The following EYS variants were observed in gnomAD, a reference collection of about 807,000 sequenced individuals.
EYS encodes protein eyes shut homolog.
In EYS, 250 loss-of-function variants were observed where a neutral mutation model predicts 282.1. The ratio of observed to expected loss-of-function variants is 0.89; its 90% CI spans 0.80 to 0.98. EYS has a LOEUF of 0.98. Ranked by LOEUF, EYS falls within the 50% of genes least tolerant of loss-of-function variation. The pLI, the probability that EYS is intolerant of heterozygous loss-of-function variation, is 0.00. For synonymous variants in EYS, 1,355 were observed against 1,282.9 expected, an observed-to-expected ratio of 1.06 and a Z score of -1.20; for missense variants, 4,016 against 3,709.0, an observed-to-expected ratio of 1.08 and a Z score of -2.15.
At chr6:63,876,147 G>T (rs1230547176) in intron 35 of EYS, among the ~76,000 whole-genome samples, 3 of 152,094 alleles carry the variant, frequency 2.0e-5, no homozygotes, top group African/African-American at 4.8e-5. Context: ...CTTTAAATGT[G>T]TCCCAGAGAT....
At chr6:63,900,951 A>G (rs1319208690) in intron 35 of EYS, among the ~76,000 whole-genome samples, 2 of 152,208 alleles carry the variant, frequency 1.3e-5, no homozygotes, top group Non-Finnish European at 2.9e-5. Context: ...ACAATATATC[A>G]TATAAAAAGG....
At chr6:65,312,181 C>G (rs530987624) in intron 11 of EYS, among the ~76,000 whole-genome samples, 1 of 151,046 alleles carries the variant, frequency 6.6e-6, no homozygotes, top group Non-Finnish European at 1.5e-5. Flanking sequence ...CTATGCCTTC[C>G]TTTATCTAAG....
intron 22 of EYS, among the ~76,000 whole-genome samples, chr6:64,658,930 T>C (rs1768875192): frequency 6.6e-6 from 1 of 152,220 alleles, no homozygotes; most frequent in African/African-American, 2.4e-5. Flanking sequence ...ATCAACAGAA[T>C]ATACATTCTT....
At chr6:63,854,268 G>A (rs992921089) in intron 36 of EYS, among the ~76,000 whole-genome samples, 1 of 152,164 alleles carries the variant, frequency 6.6e-6, no homozygotes, top group Non-Finnish European at 1.5e-5. Context: ...GGAATACTAT[G>A]TAGCCATAAA....
intron 26 of EYS, among the ~76,000 whole-genome samples, chr6:64,550,034 G>A (rs1201913291): frequency 5.3e-5 from 8 of 152,056 alleles, no homozygotes; most frequent in South Asian, 2.1e-4. Context: ...ATGGTTTCCC[G>A]CTTCATCCAT....
At chr6:64,494,350 A>G (rs977387290) in intron 26 of EYS, among the ~76,000 whole-genome samples, 1 of 151,686 alleles carries the variant, frequency 6.6e-6, no homozygotes, top group Non-Finnish European at 1.5e-5. Flanking sequence ...CCTTAGATAT[A>G]TTCTCAGACT....
At chr6:65,667,381 G>A (rs1201172178) in intron 1 of EYS, among the ~76,000 whole-genome samples, 1 of 151,638 alleles carries the variant, frequency 6.6e-6, no homozygotes, top group African/African-American at 2.4e-5. Flanking sequence ...CACTTATTTG[G>A]CTTCACCCAT....
chr6:63,866,706 A>T (rs1772679545), intron 35 of EYS, among the ~76,000 whole-genome samples: 2 of 152,182 alleles, frequency 1.3e-5, no homozygotes, highest in Admixed American at 1.3e-4. Context: ...TAGAGAGAGA[A>T]CTAGAAATTT....
At chr6:63,798,619 G>A (rs1770701502) in intron 37 of EYS, among the ~76,000 whole-genome samples, 1 of 152,030 alleles carries the variant, frequency 6.6e-6, no homozygotes, top group East Asian at 1.9e-4. Flanking sequence ...TCCCTACCAG[G>A]GCTCTCTGAA....
At chr6:64,842,825 C>A (rs1416554893) in intron 19 of EYS, among the ~76,000 whole-genome samples, 16 of 151,972 alleles carry the variant, frequency 1.1e-4, no homozygotes, top group Admixed American at 1.0e-3. Flanking sequence ...TAAAAGCACT[C>A]TGTTTTAAAA....
intron 12 of EYS, among the ~76,000 whole-genome samples, chr6:65,145,685 C>T (rs1331701460): frequency 2.6e-5 from 4 of 152,022 alleles, no homozygotes; most frequent in African/African-American, 9.7e-5. Context: ...CTTTGCACCA[C>T]TGGTATTTAT....
At chr6:64,144,658 A>G (rs775988617) in intron 31 of EYS, among the ~76,000 whole-genome samples, 12 of 152,158 alleles carry the variant, frequency 7.9e-5, no homozygotes, top group Non-Finnish European at 1.6e-4. Context: ...CTGCTTACTG[A>G]AACTCCATCC....
chr6:64,635,367 G>A (rs1361106983), intron 22 of EYS, among the ~76,000 whole-genome samples: 15 of 152,194 alleles, frequency 9.9e-5, no homozygotes, highest in Middle Eastern at 3.2e-3. Context: ...ATGTTGAATA[G>A]GAGTGGTGAG....
rs564677290 is a variant in EYS, at chr6:65,491,569, T to G, written c.749-862A>C. On this transcript the variant is annotated intron_variant, in intron 4 of 42. Transcript: ENST00000503581. ...GCCTCACTAATGCAGAACTTTTTTC[T>G]TCATTTGCCTCCAAGCAACCCTAAA... 2.7e-4 allele frequency: 117 copies of G among 435,988 alleles called. 1 individual carries two copies. The highest frequency in any genetic ancestry group is 1.3e-3 in the Middle Eastern group (2 of 1,532). 27.0% of individuals were successfully genotyped at this position (435,988 alleles called of 1,614,324 possible).
At chr6:64,190,131 A>G (rs561780570) in intron 31 of EYS, among the ~76,000 whole-genome samples, 5 of 152,296 alleles carry the variant, frequency 3.3e-5, no homozygotes, top group African/African-American at 1.2e-4. Context: ...GACACTGTGA[A>G]GGTACCGATA....
intron 12 of EYS, among the ~76,000 whole-genome samples, chr6:65,182,261 G>C (rs1171923884): frequency 1.3e-5 from 2 of 150,646 alleles, no homozygotes; most frequent in Non-Finnish European, 3.0e-5. Context: ...AATAAAGGGG[G>C]TGTTAAATGT....
chr6:63,961,427 C>A (rs930653746), intron 35 of EYS, among the ~76,000 whole-genome samples: 2 of 151,526 alleles, frequency 1.3e-5, no homozygotes, highest in Non-Finnish European at 2.9e-5. Flanking sequence ...ACCTTGTGAC[C>A]CCCGCCCCTG....
intron 27 of EYS, among the ~76,000 whole-genome samples, 192 bp downstream of exon 27, chr6:64,438,970 G>A (rs1246224685): frequency 6.6e-6 from 1 of 151,188 alleles, no homozygotes; most frequent in Admixed American, 6.6e-5. Flanking sequence ...CAGTTTTTTT[G>A]CTTAAAAATA....
chr6:64,188,924 T>C (rs1373322247), intron 31 of EYS, among the ~76,000 whole-genome samples: 1 of 152,200 alleles, frequency 6.6e-6, no homozygotes, highest in East Asian at 1.9e-4. Context: ...TGACCACTAC[T>C]GTCTAGAATT....
Sources: gnomAD v4.1 joint callset for allele counts (sites outside exome capture counted in the v4.1 genomes callset) on GRCh38, gnomAD v4.1.1 for gene constraint, MANE v1.5 for transcripts, NCBI Gene and HGNC (gene_info 2026-07-23, HGNC 2026-07-21) for gene names.